Variants in TXLNB observed in about 807,000 individuals in gnomAD.
The protein encoded by TXLNB is beta-taxilin.
A neutral mutation model predicts 57.4 loss-of-function variants in TXLNB; 37 were observed. The observed-to-expected ratio is 0.64, with a 90% CI of 0.50 to 0.85. TXLNB has a LOEUF of 0.85. Ranked by LOEUF, TXLNB falls within the 40% of genes least tolerant of loss-of-function variation. The pLI is 0.00. For synonymous variants in TXLNB, 302 were observed against 309.6 expected (o/e 0.98, Z 0.26); for missense variants, 848 against 825.6 (o/e 1.03, Z -0.33).
the TXLNB span, among the ~76,000 whole-genome samples, chr6:139,319,916 G>C: frequency 6.6e-6 from 1 of 152,038 alleles, no homozygotes. Context: ...ACACAGCATA[G>C]TGAAGTGGAT....
intron 2 of TXLNB, among the ~76,000 whole-genome samples, chr6:139,281,988 A>C (rs1357367401): frequency 2.0e-5 from 3 of 151,802 alleles, no homozygotes; most frequent in African/African-American, 7.3e-5. Context: ...AATTTTCCTC[A>C]AGGCTTTTCT....
At chr6:139,282,787 A>C (rs7744360) in intron 2 of TXLNB, among the ~76,000 whole-genome samples, 2,478 of 145,704 alleles carry the variant, frequency 0.017, 326 homozygotes, top group African/African-American at 0.052. Context: ...CACAAAGTCC[A>C]TCCCTTGCTT....
At chr6:139,285,440 AG>A (rs1777151233) in intron 2 of TXLNB, among the ~76,000 whole-genome samples, 1 of 144,182 alleles carries the variant, frequency 6.9e-6, no homozygotes, top group African/African-American at 2.6e-5. Flanking sequence ...AACTTTGCAA[AG>A]GGACACATTT....
At chr6:139,314,462 C>G in the TXLNB span, among the ~76,000 whole-genome samples, 3 of 152,244 alleles carry the variant, frequency 2.0e-5, no homozygotes, top group Non-Finnish European at 2.9e-5. Flanking sequence ...GCTCCTGCTT[C>G]AAGTTATCCT....
At chr6:139,188,405 C>T in the TXLNB span, among the ~76,000 whole-genome samples, 1 of 152,158 alleles carries the variant, frequency 6.6e-6, no homozygotes, top group Non-Finnish European at 1.5e-5. Context: ...AAACTGAGAC[C>T]TGTGCTCAAA....
At chr6:139,222,728 A>G in the TXLNB span, among the ~76,000 whole-genome samples, 1 of 152,098 alleles carries the variant, frequency 6.6e-6, no homozygotes. Context: ...ATCGCTTAGA[A>G]CCCGGGAGGT....
At chr6:139,321,816 T>C in the TXLNB span, among the ~76,000 whole-genome samples, 1 of 151,924 alleles carries the variant, frequency 6.6e-6, no homozygotes, top group Non-Finnish European at 1.5e-5. Flanking sequence ...GTATTTTTAG[T>C]AGAGACAGGG....
chr6:139,216,245 C>T, the TXLNB span, among the ~76,000 whole-genome samples: 1 of 151,190 alleles, frequency 6.6e-6, no homozygotes, highest in East Asian at 1.9e-4. Context: ...CAATGATAGA[C>T]TGGATTAAGA....
At chr6:139,176,915 T>C in the TXLNB span, 1 of 856,780 alleles carries the variant, frequency 1.2e-6, no homozygotes, top group Admixed American at 1.7e-5. The surrounding 1 kb of genome is among the most constrained non-coding windows in gnomAD (Gnocchi z 4.5). Flanking sequence ...AGGGGTGTTG[T>C]GGCTGATGGT....
At chr6:139,225,116 T>C in the TXLNB span, among the ~76,000 whole-genome samples, 1 of 152,278 alleles carries the variant, frequency 6.6e-6, no homozygotes, top group South Asian at 2.1e-4. Context: ...AAAATGCATT[T>C]GACAAAATTC....
At chr6:139,318,009 GCCTGTAATCCCACA>G in the TXLNB span, among the ~76,000 whole-genome samples, 2 of 151,896 alleles carry the variant, frequency 1.3e-5, no homozygotes, top group Non-Finnish European at 2.9e-5. Context: ...GGTGGCTCAC[GCCTGTAATCCCACA>G]CTTTGGGAGG....
chr6:139,230,649 TG>T, the TXLNB span, among the ~76,000 whole-genome samples: 40 of 152,172 alleles, frequency 2.6e-4, no homozygotes, highest in African/African-American at 9.7e-4. Flanking sequence ...TTTTCTTGCC[TG>T]GGGATGGAGC....
At chr6:139,295,085 C>G (rs905959232), upstream of TXLNB, among the ~76,000 whole-genome samples, 2 of 152,070 alleles carry the variant, frequency 1.3e-5, no homozygotes, top group African/African-American at 4.8e-5. Context: ...TCTCATTGTC[C>G]TGCAATTATT....
chr6:139,260,535 T>A, intron 5 of TXLNB, 98 bp from the exon 6 acceptor site: 2 of 1,339,148 alleles, frequency 1.5e-6, no homozygotes, highest in Non-Finnish European at 2.0e-6. Context: ...CCCCAGGTTT[T>A]AAGATTTAAA....
the TXLNB span, among the ~76,000 whole-genome samples, chr6:139,300,137 GT>G: frequency 6.6e-6 from 1 of 152,146 alleles, no homozygotes; most frequent in East Asian, 1.9e-4. Flanking sequence ...CTCAGGAAGG[GT>G]CTAAGGTTGA....
the TXLNB span, among the ~76,000 whole-genome samples, chr6:139,161,756 G>A: frequency 2.7e-4 from 41 of 152,238 alleles, no homozygotes; most frequent in African/African-American, 8.9e-4. Flanking sequence ...GATTTTATTG[G>A]TCTTGGGTTA....
the TXLNB span, among the ~76,000 whole-genome samples, chr6:139,321,085 G>T: frequency 6.6e-6 from 1 of 152,084 alleles, no homozygotes; most frequent in South Asian, 2.1e-4. Flanking sequence ...CTATTATTTG[G>T]GTTTTCTACC....
the TXLNB span, among the ~76,000 whole-genome samples, chr6:139,200,594 T>G: frequency 6.6e-5 from 10 of 152,190 alleles, no homozygotes; most frequent in African/African-American, 2.4e-4. Context: ...CTGGTGACCA[T>G]GTAGTGAGAG....
intron 7 of TXLNB, among the ~76,000 whole-genome samples, chr6:139,248,300 A>AT (rs1223154407): frequency 1.3e-5 from 2 of 151,590 alleles, no homozygotes; most frequent in Non-Finnish European, 2.9e-5. Context: ...GTTTGAGACC[A>AT]TTCTGGCCAA....
Sources: allele counts gnomAD v4.1 joint callset (sites outside exome capture counted in the v4.1 genomes callset), GRCh38; gene constraint gnomAD v4.1.1; non-coding constraint Gnocchi (gnomAD v3.1); transcripts MANE v1.5; gene names NCBI Gene and HGNC (gene_info 2026-07-23, HGNC 2026-07-21).